CRYBB1: variants seen among roughly 807,000 people sequenced by gnomAD.
CRYBB1 encodes beta-crystallin B1.
CRYBB1 carries 16 observed loss-of-function variants against 29.5 expected under a neutral mutation model. The observed-to-expected ratio is 0.54, with a 90% CI of 0.37 to 0.82. The LOEUF is 0.82. Ranked by LOEUF, CRYBB1 falls within the 40% of genes least tolerant of loss-of-function variation. The pLI is 0.00. For synonymous variants in CRYBB1, 127 were observed against 136.7 expected (o/e 0.93, Z 0.49); for missense variants, 300 against 350.5 (o/e 0.86, Z 1.15).
Position 26,616,200 on chromosome 22 carries a change from G to A in CRYBB1, c.120C>T (p.Ala40=). The change falls in exon 2 of 6, where the codon GCC becomes GCT. Residue 40 remains alanine, a synonymous_variant. Transcript: ENST00000647684. ...GTSPSPGTTL[A]PTTVPITSAK... The stretch of plus-strand genomic sequence containing the variant: ...CGCTGGTAATAGGCACGGTTGTTGG[G>A]GCCAGGGTAGTGCCGGGACTAGGGG... The A allele has an allele frequency of 6.2e-7, 1 of 1,614,174 alleles. No individual in the cohort carries two copies. The highest frequency in any genetic ancestry group is 8.5e-7 in the Non-Finnish European group (1 of 1,180,014).
At chr22:26,610,753 C>T (rs770308201) in intron 3 of CRYBB1, among the ~76,000 whole-genome samples, 5 of 152,162 alleles carry the variant, frequency 3.3e-5, no homozygotes, top group South Asian at 2.1e-4. Flanking sequence ...CTCCCTCAGA[C>T]CTCAGCATAA....
At position 26,599,386 on chromosome 22, in the gene CRYBB1, AG is replaced by A. The variant is rs1391631947; in HGVS notation, c.*103del. The A allele has an allele frequency of 8.8e-7, 1 of 1,132,850 alleles. No homozygotes were observed. Among genetic ancestry groups the A allele is most frequent in the Non-Finnish European group, 1.3e-6 (1 of 771,958 alleles). 70.2% of individuals were successfully genotyped at this position (1,132,850 alleles called of 1,614,324 possible). On this transcript the variant is annotated 3_prime_UTR_variant, in exon 6 of 6. Coordinates refer to ENST00000647684, the MANE Select transcript of CRYBB1 (RefSeq NM_001887.4). ...AAGGCACACATCTGTTTACAGATCC[AG>A]GAGAAATTTTGGCTTTAGGGAATTT...
In CRYBB1 at chr22:26,602,460, GCATGCCTGTAGTCT is replaced by G. The variant is rs989900708; in HGVS notation, c.433-453_433-440del. Among the ~76,000 whole-genome samples the G allele has an allele frequency of 9.9e-5, 15 of 151,886 alleles. No individual in the cohort carries two copies. In the East Asian group the frequency reaches 2.5e-3, roughly 26 times the overall value. ...TTTTTAATTTGCCAGGCATGGTGGT[GCATGCCTGTAGTCT>G]CAGCTACTTGGAAGGCTGAGGCAGG... On this transcript the variant is annotated intron_variant, in intron 4 of 5. Coordinates refer to ENST00000647684, the MANE Select transcript of CRYBB1 (RefSeq NM_001887.4).
At chr22:26,614,469 C>T (rs549804492) in intron 2 of CRYBB1, among the ~76,000 whole-genome samples, 2 of 152,120 alleles carry the variant, frequency 1.3e-5, no homozygotes, top group Non-Finnish European at 2.9e-5. Flanking sequence ...TACCAGGAGA[C>T]AGGGATAAGA....
intron 5 of CRYBB1, among the ~76,000 whole-genome samples, chr22:26,599,921 G>C (rs529520631): frequency 6.6e-6 from 1 of 152,226 alleles, no homozygotes; most frequent in African/African-American, 2.4e-5. Context: ...TGCTGGGGGG[G>C]ACCAAATGGA....
intron 2 of CRYBB1, among the ~76,000 whole-genome samples, chr22:26,615,387 T>C (rs1929311002): frequency 6.6e-6 from 1 of 152,204 alleles, no homozygotes; most frequent in Non-Finnish European, 1.5e-5. Context: ...TTTTCTTGCT[T>C]TCGATAAACT....
At chr22:26,606,047 C>T (rs1377940562) in intron 4 of CRYBB1, among the ~76,000 whole-genome samples, 2 of 152,164 alleles carry the variant, frequency 1.3e-5, no homozygotes, top group Admixed American at 6.5e-5. Flanking sequence ...CATCCGCTAT[C>T]GTTAGTGATA....
chr22:26,612,234 A>T (rs745398036), intron 2 of CRYBB1, 44 bp from the exon 3 acceptor site: 3 of 1,344,520 alleles, frequency 2.2e-6, no homozygotes, highest in East Asian at 4.6e-5. Flanking sequence ...GTGAGGGGGG[A>T]GTCAAAAATT....
chr22:26,607,952 G>T lies in CRYBB1; in HGVS notation c.369C>A (p.Arg123=), dbSNP rs1261622869. ...GGTAGCTGCTCGACCATGTGTTCCA[G>T]CGAGGGTACTCGCCCTTCTCCAGGA... ...MFILEKGEYP[R]WNTWSSSYRS... The change falls in exon 4 of 6, where the codon CGC becomes CGA. Residue 123 remains arginine, a synonymous_variant. Coordinates refer to ENST00000647684, the MANE Select transcript of CRYBB1 (RefSeq NM_001887.4). 2 of 1,614,230 alleles carry T rather than the reference G, an allele frequency of 1.2e-6. No individual in the cohort carries two copies.
At chr22:26,603,452 C>G (rs943082068) in intron 4 of CRYBB1, among the ~76,000 whole-genome samples, 2 of 151,820 alleles carry the variant, frequency 1.3e-5, no homozygotes, top group Non-Finnish European at 2.9e-5. Flanking sequence ...GTCACTTGAA[C>G]CTGGGAGGTG....
intron 4 of CRYBB1, among the ~76,000 whole-genome samples, chr22:26,604,199 C>G (rs1928907691): frequency 6.6e-6 from 1 of 152,228 alleles, no homozygotes; most frequent in Non-Finnish European, 1.5e-5. Context: ...GTTCAAATCC[C>G]AGCCCCAGCA....
intron 5 of CRYBB1, among the ~76,000 whole-genome samples, chr22:26,600,989 G>A (rs147957607): frequency 1.1e-3 from 164 of 152,346 alleles, no homozygotes; most frequent in Middle Eastern, 6.8e-3. Flanking sequence ...GTAGGAACTT[G>A]GCTGTATTCA....
At chr22:26,610,226 A>G (rs1602327315) in intron 3 of CRYBB1, among the ~76,000 whole-genome samples, 3 of 152,312 alleles carry the variant, frequency 2.0e-5, no homozygotes, top group African/African-American at 7.2e-5. Flanking sequence ...TGAGGCTAAG[A>G]GGGGTTAAGT....
At chr22:26,607,856 T>G in intron 4 of CRYBB1, 33 bp downstream of exon 4, 1 of 1,613,970 alleles carries the variant, frequency 6.2e-7, no homozygotes, top group Non-Finnish European at 8.5e-7. Context: ...CCCGCCTGGC[T>G]GATTCTCCAG....
intron 2 of CRYBB1, among the ~76,000 whole-genome samples, chr22:26,613,928 T>C (rs1929259850): frequency 6.6e-6 from 1 of 152,106 alleles, no homozygotes; most frequent in Non-Finnish European, 1.5e-5. Flanking sequence ...TGGGGTTAGG[T>C]CTCTAAACTG....
chr22:26,610,700 C>T (rs1316451074), intron 3 of CRYBB1, among the ~76,000 whole-genome samples: 1 of 152,156 alleles, frequency 6.6e-6, no homozygotes, highest in Non-Finnish European at 1.5e-5. Flanking sequence ...AGTCACCTGC[C>T]ATGTTTGGGT....
At chr22:26,605,792 C>T (rs146820186) in intron 4 of CRYBB1, among the ~76,000 whole-genome samples, 218 of 150,348 alleles carry the variant, frequency 1.4e-3, no homozygotes, top group African/African-American at 2.8e-3. Context: ...TAACTTCCCA[C>T]GACAGGGGGC....
chr22:26,612,232 G>A (rs1185199942), intron 2 of CRYBB1, 42 bp from the exon 3 acceptor site: 2 of 1,389,900 alleles, frequency 1.4e-6, no homozygotes, highest in Non-Finnish European at 2.0e-6. Flanking sequence ...GAGTGAGGGG[G>A]GAGTCAAAAA....
chr22:26,600,389 G>C (rs563084730), intron 5 of CRYBB1, among the ~76,000 whole-genome samples: 1 of 151,734 alleles, frequency 6.6e-6, no homozygotes, highest in Non-Finnish European at 1.5e-5. Flanking sequence ...GGGACAGAGC[G>C]AGACTCCATC....
Sources: gnomAD v4.1 joint callset for allele counts (sites outside exome capture counted in the v4.1 genomes callset) on GRCh38, gnomAD v4.1.1 for gene constraint, MANE v1.5 for transcripts, NCBI Gene and HGNC (gene_info 2026-07-23, HGNC 2026-07-21) for gene names.